GRAMD1B: variants seen among roughly 807,000 people sequenced by gnomAD.
GRAMD1B encodes protein Aster-B.
In GRAMD1B, 37 loss-of-function variants were observed where a neutral mutation model predicts 99.7. The ratio of observed to expected loss-of-function variants is 0.37; its 90% CI spans 0.29 to 0.49. GRAMD1B has a LOEUF of 0.49. Ranked by LOEUF, GRAMD1B falls within the 20% of genes least tolerant of loss-of-function variation. The probability of loss-of-function intolerance (pLI) is 0.98; values close to 1 mark genes in which losing one functional copy is unlikely to be tolerated. For missense variants in GRAMD1B, 888 were observed against 1,009.2 expected, an observed-to-expected ratio of 0.88 and a Z score of 1.63; for synonymous variants, 427 against 387.6, an observed-to-expected ratio of 1.10 and a Z score of -1.19.
chr11:123,448,957 C>G (rs1403748910), intron 1 of GRAMD1B, among the ~76,000 whole-genome samples: 4 of 152,244 alleles, frequency 2.6e-5, no homozygotes, highest in Non-Finnish European at 5.9e-5. Flanking sequence ...CCTGCTTCAT[C>G]CACCTGCTGC....
chr11:123,378,865 C>T (rs1451567376), intron 1 of GRAMD1B, among the ~76,000 whole-genome samples: 1 of 152,204 alleles, frequency 6.6e-6, no homozygotes, highest in Non-Finnish European at 1.5e-5. Flanking sequence ...AGAGTCTTCT[C>T]ATGCACAAGA....
At chr11:123,404,498 G>T (rs571126505) in intron 1 of GRAMD1B, among the ~76,000 whole-genome samples, 1 of 152,184 alleles carries the variant, frequency 6.6e-6, no homozygotes, top group Non-Finnish European at 1.5e-5. Flanking sequence ...CTGATCAATT[G>T]TTGTTTTTAA....
chr11:123,377,329 C>T (rs1030717933), intron 1 of GRAMD1B, among the ~76,000 whole-genome samples: 2 of 152,164 alleles, frequency 1.3e-5, no homozygotes, highest in African/African-American at 4.8e-5. Context: ...TTATCTCACT[C>T]ATGTGAACTT....
chr11:123,482,523 GAA>G (rs1951668603), intron 2 of GRAMD1B, among the ~76,000 whole-genome samples: 1 of 152,122 alleles, frequency 6.6e-6, no homozygotes, highest in African/African-American at 2.4e-5. Context: ...GAAAAAGAAA[GAA>G]TATTTTTATT....
At chr11:123,526,469 G>A (rs374526494) in intron 2 of GRAMD1B, among the ~76,000 whole-genome samples, 1 of 152,194 alleles carries the variant, frequency 6.6e-6, no homozygotes, top group African/African-American at 2.4e-5. Flanking sequence ...GTGAGGAGTG[G>A]TGCGCACAGA....
intron 2 of GRAMD1B, among the ~76,000 whole-genome samples, chr11:123,535,006 G>A (rs1943811429): frequency 6.6e-6 from 1 of 152,184 alleles, no homozygotes; most frequent in Non-Finnish European, 1.5e-5. Flanking sequence ...AAGGGTAGAC[G>A]TTTAAGTGGC....
At chr11:123,373,431 T>C (rs953751961) in intron 1 of GRAMD1B, among the ~76,000 whole-genome samples, 1 of 152,190 alleles carries the variant, frequency 6.6e-6, no homozygotes, top group Non-Finnish European at 1.5e-5. Flanking sequence ...CTATTAGAAC[T>C]CTGGCGTTCC....
chr11:123,522,389 A>G (rs1942276240), intron 2 of GRAMD1B, among the ~76,000 whole-genome samples: 1 of 151,720 alleles, frequency 6.6e-6, no homozygotes, highest in African/African-American at 2.4e-5. Flanking sequence ...CGTGATCTCG[A>G]CTCACTGCAA....
At chr11:123,609,734 T>C (rs1953278010) in intron 12 of GRAMD1B, 61 bp from the exon 13 acceptor site, 1 of 1,001,910 alleles carries the variant, frequency 1.0e-6, no homozygotes, top group East Asian at 2.6e-5. Flanking sequence ...GAGGGGAAAC[T>C]TGGATTGGGG....
At chr11:123,532,033 G>A (rs571682563) in intron 2 of GRAMD1B, among the ~76,000 whole-genome samples, 54 of 152,200 alleles carry the variant, frequency 3.5e-4, no homozygotes, top group African/African-American at 9.6e-4. Flanking sequence ...CACCACGCCC[G>A]TCCTGTTTAT....
chr11:123,415,157 C>T (rs1457841384), intron 1 of GRAMD1B, among the ~76,000 whole-genome samples: 1 of 119,490 alleles, frequency 8.4e-6, no homozygotes, highest in Non-Finnish European at 1.6e-5. Context: ...GGCTGGAGTG[C>T]AGTGGCGCGA....
In GRAMD1B at chr11:123,492,858, T is replaced by TCACACACACACACG. The variant is rs763283753; in HGVS notation, c.452+11971_452+11972insCACACACGCACACA. ...CTCTCTCTCTCTCTGTCTCTCTCTT[T>TCACACACACACACG]CACACATACACACACACACACACAC... On this transcript the variant is annotated intron_variant, in intron 2 of 19. Coordinates refer to ENST00000635736, the MANE Select transcript of GRAMD1B (RefSeq NM_001387025.1). This position sits in a 1 kb window ranked among gnomAD's most constrained non-coding sequence, Gnocchi z 4.2. Among the ~76,000 whole-genome samples, 1 of 131,702 alleles carries TCACACACACACACG rather than the reference T, an allele frequency of 7.6e-6. No homozygotes were observed. Among genetic ancestry groups the TCACACACACACACG allele is most frequent in the African/African-American group, 2.8e-5 (1 of 36,194 alleles). 86.4% of individuals were successfully genotyped at this position (131,702 alleles called of 152,430 possible).
chr11:123,550,662 T>C (rs1945520286), intron 2 of GRAMD1B, among the ~76,000 whole-genome samples: 1 of 152,156 alleles, frequency 6.6e-6, no homozygotes, highest in Non-Finnish European at 1.5e-5. Context: ...GTCAGCATCT[T>C]AACTGGGGCA....
intron 1 of GRAMD1B, among the ~76,000 whole-genome samples, chr11:123,363,412 G>A (rs995633223): frequency 6.6e-6 from 1 of 152,162 alleles, no homozygotes; most frequent in Admixed American, 6.5e-5. Context: ...ATGAAGCCTG[G>A]GCTTTGATAA....
At chr11:123,466,491 G>GA (rs1950689680) in intron 1 of GRAMD1B, among the ~76,000 whole-genome samples, 1 of 151,712 alleles carries the variant, frequency 6.6e-6, no homozygotes, top group African/African-American at 2.4e-5. Context: ...GAAAGAAAAA[G>GA]AAAGAAAGAA....
chr11:123,540,593 TTGAC>T (rs1182835008), intron 2 of GRAMD1B, among the ~76,000 whole-genome samples: 1 of 51,608 alleles, frequency 1.9e-5, no homozygotes, highest in Non-Finnish European at 3.5e-5. Context: ...CATAATTTGT[TTGAC>T]TGTTGTTTTT....
intron 1 of GRAMD1B, among the ~76,000 whole-genome samples, chr11:123,396,279 C>CTTGT (rs1947459593): frequency 8.4e-6 from 1 of 119,642 alleles, no homozygotes; most frequent in South Asian, 2.5e-4. Context: ...TTTTCTTCTT[C>CTTGT]TTCTTTTTTT....
intron 2 of GRAMD1B, among the ~76,000 whole-genome samples, chr11:123,513,664 T>C (rs1195218083): frequency 1.3e-5 from 2 of 148,984 alleles, no homozygotes; most frequent in African/African-American, 5.0e-5. Context: ...TTTCTTTCTT[T>C]CTTTCTTTTC....
rs1955275610 is a variant in GRAMD1B, at chr11:123,622,670, A to G, written c.*75A>G. ...AGACCATATAAATATATATATATAA[A>G]TATATATATATACAGAATATAAATA... On this transcript the variant is annotated 3_prime_UTR_variant, in exon 20 of 20. Transcript: ENST00000635736. 1.3e-5 allele frequency: 4 copies of G among 314,530 alleles called. No individual in the cohort carries two copies. Among genetic ancestry groups the G allele is most frequent in the Non-Finnish European group, 5.7e-6 (1 of 176,610 alleles). 19.5% of individuals were successfully genotyped at this position (314,530 alleles called of 1,614,324 possible). A position where few individuals can be genotyped will look rare whatever the true frequency, so the allele number is the denominator to read the frequency against.
Sources: allele counts gnomAD v4.1 joint callset (sites outside exome capture counted in the v4.1 genomes callset), GRCh38; gene constraint gnomAD v4.1.1; non-coding constraint Gnocchi (gnomAD v3.1); transcripts MANE v1.5; gene names NCBI Gene and HGNC (gene_info 2026-07-23, HGNC 2026-07-21).